MSR1: variants seen among roughly 807,000 people sequenced by gnomAD.
MSR1 encodes macrophage scavenger receptor types I and II.
Under a neutral mutation model 47.2 loss-of-function variants are expected in MSR1, and 53 were observed. The ratio of observed to expected loss-of-function variants is 1.12; its 90% CI spans 0.90 to 1.41. The LOEUF is 1.41. Ranked by LOEUF, MSR1 falls within the 40% of genes most tolerant of loss-of-function variation. The probability of loss-of-function intolerance (pLI) is 0.00; values close to 1 mark genes in which losing one functional copy is unlikely to be tolerated. For synonymous variants in MSR1, 239 were observed against 185.6 expected (o/e 1.29, Z -2.34); for missense variants, 786 against 546.9 (o/e 1.44, Z -4.36).
intron 8 of MSR1, among the ~76,000 whole-genome samples, chr8:16,137,248 G>A (rs1800412831): frequency 6.6e-6 from 1 of 152,042 alleles, no homozygotes; most frequent in Non-Finnish European, 1.5e-5. Flanking sequence ...ATCCTTAGGA[G>A]GGAGACTAGA....
At chr8:16,136,166 C>T (rs1175033790) in intron 8 of MSR1, among the ~76,000 whole-genome samples, 1 of 152,108 alleles carries the variant, frequency 6.6e-6, no homozygotes, top group African/African-American at 2.4e-5. Flanking sequence ...TCAATGCTAT[C>T]AAATAGCATC....
chr8:16,162,833 C>G (rs1237043034), intron 5 of MSR1, among the ~76,000 whole-genome samples: 1 of 151,860 alleles, frequency 6.6e-6, no homozygotes, highest in Non-Finnish European at 1.5e-5. Context: ...AGCTTATCTT[C>G]TTTCTCTTTG....
chr8:16,120,377 A>AAAC (rs772832179), intron 9 of MSR1, 41 bp downstream of exon 9: 7 of 1,605,944 alleles, frequency 4.4e-6, no homozygotes, highest in Non-Finnish European at 6.0e-6. Context: ...ACTCTGTCTG[A>AAAC]AACAACAACA....
intron 5 of MSR1, among the ~76,000 whole-genome samples, chr8:16,163,811 T>G (rs975568234): frequency 6.6e-6 from 1 of 151,834 alleles, no homozygotes; most frequent in East Asian, 1.9e-4. Flanking sequence ...ATGAGGTAGT[T>G]TTTAACAATG....
intron 1 of MSR1, among the ~76,000 whole-genome samples, chr8:16,191,655 A>G (rs935269183): frequency 6.6e-6 from 1 of 152,152 alleles, no homozygotes; most frequent in African/African-American, 2.4e-5. Flanking sequence ...ACTAGGGAGC[A>G]GGGGAGCTGG....
chr8:16,140,827 G>A (rs1267826885), intron 8 of MSR1: 3 of 1,548,140 alleles, frequency 1.9e-6, no homozygotes, highest in Non-Finnish European at 1.7e-6. Flanking sequence ...GGCCCAAACA[G>A]CACCAGGGAC....
In MSR1 at chr8:16,148,735, C is replaced by T. The variant is rs1479947951; in HGVS notation, c.979+1496G>A. ...TTGGCCTCCAAAAGTGCTACGATTA[C>T]AGGTGTGAGCCACCACGCCCAGCCT... is the stretch of plus-strand genomic sequence containing the variant. On this transcript the variant is annotated intron_variant, in intron 7 of 9. Coordinates refer to ENST00000262101, the MANE Select transcript of MSR1 (RefSeq NM_138715.3). 3.3e-5 allele frequency among the ~76,000 whole-genome samples: 5 copies of T among 152,150 alleles called. 1 individual carries two copies. The South Asian group carries it at 6.2e-4, about 19-fold the overall frequency.
chr8:16,128,002 A>G, intron 8 of MSR1, among the ~76,000 whole-genome samples: 1 of 152,170 alleles, frequency 6.6e-6, no homozygotes, highest in East Asian at 1.9e-4. Context: ...AGACAATGTA[A>G]AAGAACATCA....
chr8:16,152,045 T>C (rs1402268708), intron 6 of MSR1, among the ~76,000 whole-genome samples: 1 of 152,166 alleles, frequency 6.6e-6, no homozygotes, highest in African/African-American at 2.4e-5. Flanking sequence ...TGGCATGTAA[T>C]GACTACTTTG....
intron 1 of MSR1, among the ~76,000 whole-genome samples, chr8:16,186,533 C>CCAAT (rs1802005308): frequency 6.6e-6 from 1 of 151,882 alleles, no homozygotes; most frequent in African/African-American, 2.4e-5. Context: ...TCTCATCCAA[C>CCAAT]CCTGTTGCTT....
Position 16,162,952 on chromosome 8 carries a change from AT to A in MSR1, c.817+1112del, listed in dbSNP as rs1231435933. ...TGACTAAGTTCTCGATTAAAAAAAA[AT>A]AAAGTAGAATAAACTGTACTAAAAT... On this transcript the variant is annotated intron_variant, in intron 5 of 9. Coordinates refer to ENST00000262101, the MANE Select transcript of MSR1 (RefSeq NM_138715.3). 4.6e-5 allele frequency among the ~76,000 whole-genome samples: 7 copies of A among 152,160 alleles called. 1 individual carries two copies. In the South Asian group the frequency reaches 8.3e-4, roughly 18 times the overall value.
chr8:16,132,035 G>C (rs566499918), intron 8 of MSR1, among the ~76,000 whole-genome samples: 1 of 151,732 alleles, frequency 6.6e-6, no homozygotes, highest in Admixed American at 6.6e-5. Flanking sequence ...AATGTCATTG[G>C]TAGTTTGAGA....
Position 16,177,961 on chromosome 8 carries a change from G to A in MSR1, c.28C>T (p.Gln10Ter). The change falls in exon 2 of 10, where the codon CAA becomes TAA. Residue 10 changes from glutamine to a stop codon, truncating the protein, a stop_gained. Coordinates refer to ENST00000262101, the MANE Select transcript of MSR1 (RefSeq NM_138715.3). LOFTEE classifies it high-confidence loss of function. MEQWDHFHN[Q>*]QEDTDSCSES... ...GAGCAGCTATCAGTGTCCTCCTGTT[G>A]ATTGTGAAAGTGATCCCACTGCTCC... The A allele has an allele frequency of 1.2e-6, 2 of 1,613,854 alleles. No homozygotes were observed.
chr8:16,111,743 T>A (rs1799760359), intron 9 of MSR1, among the ~76,000 whole-genome samples: 1 of 151,892 alleles, frequency 6.6e-6, no homozygotes, highest in Non-Finnish European at 1.5e-5. Context: ...CACTTATACA[T>A]GTGATGTATT....
At chr8:16,169,035 C>A (rs550703584) in intron 3 of MSR1, among the ~76,000 whole-genome samples, 165 bp from the exon 4 acceptor site, 3 of 151,980 alleles carry the variant, frequency 2.0e-5, no homozygotes, top group Non-Finnish European at 4.4e-5. Flanking sequence ...GTGTGAACTA[C>A]GCTACGTATA....
chr8:16,190,637 A>G (rs394447), intron 1 of MSR1, among the ~76,000 whole-genome samples: 27,577 of 151,700 alleles, frequency 0.18, 3,925 homozygotes, highest in African/African-American at 0.39. Context: ...CATATTTACC[A>G]TCTGTCTTTT....
intron 9 of MSR1, among the ~76,000 whole-genome samples, chr8:16,117,725 G>A (rs745553576): frequency 6.6e-6 from 1 of 152,052 alleles, no homozygotes; most frequent in Non-Finnish European, 1.5e-5. Flanking sequence ...GGAGTAGACT[G>A]TACATAAGCA....
chr8:16,115,383 CTT>C (rs372493873), intron 9 of MSR1, among the ~76,000 whole-genome samples: 12 of 151,956 alleles, frequency 7.9e-5, no homozygotes, highest in African/African-American at 2.9e-4. Context: ...TTCTTTTCCT[CTT>C]GAGTGAAACT....
At chr8:16,179,916 T>G (rs1036697259) in intron 1 of MSR1, among the ~76,000 whole-genome samples, 12 of 151,452 alleles carry the variant, frequency 7.9e-5, no homozygotes, top group African/African-American at 2.9e-4. Context: ...ATTTATTTAT[T>G]TATTTACTTA....
Sources: gnomAD v4.1 joint callset for allele counts (sites outside exome capture counted in the v4.1 genomes callset) on GRCh38, gnomAD v4.1.1 for gene constraint, MANE v1.5 for transcripts, NCBI Gene and HGNC (gene_info 2026-07-23, HGNC 2026-07-21) for gene names.